Variants in CAP2 observed in about 807,000 individuals in gnomAD.
CAP2 encodes the protein adenylyl cyclase-associated protein 2.
In CAP2, 24 loss-of-function variants were observed where a neutral mutation model predicts 57.7. That is an observed-to-expected ratio of 0.42 (90% CI 0.30 to 0.58). The LOEUF (loss-of-function observed/expected upper bound fraction) is 0.58, where lower values mean the gene tolerates loss of function less well. Among genes scored for constraint, CAP2 ranks in the 20% least tolerant of loss-of-function variants. The pLI is 0.22. For synonymous variants in CAP2, 194 were observed against 207.2 expected, an observed-to-expected ratio of 0.94 and a Z score of 0.55; for missense variants, 501 against 590.3, an observed-to-expected ratio of 0.85 and a Z score of 1.57.
At chr6:17,421,497 G>T in intron 1 of CAP2, 58 bp from the exon 2 acceptor site, 1 of 1,594,038 alleles carries the variant, frequency 6.3e-7, no homozygotes, top group Non-Finnish European at 8.6e-7. Flanking sequence ...TGATGGTGTT[G>T]GTTTACTCAT....
intron 6 of CAP2, among the ~76,000 whole-genome samples, chr6:17,512,323 G>C (rs1328072174): frequency 6.6e-6 from 1 of 151,966 alleles, no homozygotes. Context: ...TTGAGCCCAG[G>C]AGGTTGAGGC....
intron 6 of CAP2, among the ~76,000 whole-genome samples, chr6:17,511,746 G>A (rs1336137226): frequency 4.6e-5 from 7 of 152,056 alleles, no homozygotes; most frequent in African/African-American, 1.7e-4. Context: ...AAGCCACCCC[G>A]CCCGGCCTGG....
intron 12 of CAP2, among the ~76,000 whole-genome samples, chr6:17,554,567 C>T (rs1763249766): frequency 6.6e-6 from 1 of 152,226 alleles, no homozygotes; most frequent in Admixed American, 6.5e-5. Flanking sequence ...CCAGGCCTTT[C>T]CTTTTGAATG....
rs1197104013 is a variant in CAP2, at chr6:17,406,412, T to TTTTTTTTTTC, written c.-2+12667_-2+12668insTTTTTTTTCT. Reference sequence around the variant, plus strand: ...AGCCCAGATTTCTTTTTTTTTTTTTTTGAGGCAGTCTCACTCTGTCGCCCA... The same window carrying TTTTTTTTTTC: ...AGCCCAGATTTCTTTTTTTTTTTTTTTTTTTTTTTCTGAGGCAGTCTCACTCTGTCGCCCA... On this transcript the variant is annotated intron_variant, in intron 1 of 12. Transcript: ENST00000229922. Among the ~76,000 whole-genome samples the TTTTTTTTTTC allele has an allele frequency of 8.9e-5, 12 of 135,260 alleles. 1 individual carries two copies. The highest frequency in any genetic ancestry group is 3.3e-4 in the African/African-American group (9 of 27,014). 88.7% of individuals were successfully genotyped at this position (135,260 alleles called of 152,430 possible).
At chr6:17,519,978 T>C (rs1762353793) in intron 7 of CAP2, among the ~76,000 whole-genome samples, 1 of 152,220 alleles carries the variant, frequency 6.6e-6, no homozygotes, top group Non-Finnish European at 1.5e-5. Flanking sequence ...TATTTCTGAA[T>C]TACTTTAGCT....
intron 3 of CAP2, among the ~76,000 whole-genome samples, chr6:17,451,241 AAAT>A (rs1381470737): frequency 0.025 from 3,840 of 151,610 alleles, 148 homozygotes; most frequent in African/African-American, 0.084. Flanking sequence ...CAAAAAAAAA[AAAT>A]AATAATAATA....
intron 4 of CAP2, among the ~76,000 whole-genome samples, chr6:17,465,072 T>C (rs1222849827): frequency 6.6e-6 from 1 of 152,228 alleles, no homozygotes; most frequent in Non-Finnish European, 1.5e-5. Context: ...ATGCATTGGG[T>C]CTGTGGCATT....
chr6:17,507,241 C>T lies in CAP2; in HGVS notation c.373C>T (p.Arg125Trp), dbSNP rs143260592. 3.1e-5 allele frequency: 50 copies of T among 1,614,024 alleles called. No homozygotes were observed. The Admixed American group carries it at 3.7e-4, about 12-fold the overall frequency. Residue 125 changes from arginine to tryptophan, a missense_variant, in exon 5 of 13, where the codon CGG becomes TGG. Coordinates refer to ENST00000229922, the MANE Select transcript of CAP2 (RefSeq NM_006366.3). ...AATCCAAACTTTCAGAGAGAGAAAC[C>T]GGGGGAGTAACATGTTTAATCATCT... ...QEIQTFRERN[R>W]GSNMFNHLSA...
intron 11 of CAP2, among the ~76,000 whole-genome samples, chr6:17,547,572 T>G (rs543969768): frequency 3.3e-5 from 5 of 152,292 alleles, no homozygotes; most frequent in East Asian, 1.9e-4. Context: ...CCGGGCACGG[T>G]GGCTCACGCC....
chr6:17,426,705 C>A lies in CAP2; in HGVS notation c.222+15C>A, dbSNP rs1431795177. 12 of 1,560,390 alleles carry A rather than the reference C, an allele frequency of 7.7e-6. No homozygotes were observed. Among genetic ancestry groups the A allele is most frequent in the Admixed American group, 3.3e-5 (2 of 59,948 alleles). On this transcript the variant is annotated intron_variant, in intron 3 of 12. Transcript: ENST00000229922. ...TGGAGACCCATGTAAGTACTTTCCT[C>A]CCCTGTTCTCAGTAGAGAGTTTAAA... is the stretch of plus-strand genomic sequence containing the variant.
At chr6:17,473,263 G>A (rs1761068516) in intron 4 of CAP2, among the ~76,000 whole-genome samples, 1 of 152,148 alleles carries the variant, frequency 6.6e-6, no homozygotes, top group Non-Finnish European at 1.5e-5. Context: ...GATGGCAAAT[G>A]CTACATAAAT....
intron 3 of CAP2, among the ~76,000 whole-genome samples, chr6:17,454,202 G>A (rs138463452): frequency 2.2e-4 from 34 of 152,024 alleles, no homozygotes; most frequent in Non-Finnish European, 4.0e-4. Context: ...GAGCCACTGC[G>A]TCCGGCTCAG....
chr6:17,506,275 T>C (rs1391559899), intron 4 of CAP2, among the ~76,000 whole-genome samples: 1 of 152,204 alleles, frequency 6.6e-6, no homozygotes, highest in Non-Finnish European at 1.5e-5. Context: ...GAGTGTGACC[T>C]GTAGCCATAG....
In CAP2 at chr6:17,442,582, C is replaced by T. The variant is rs557513251; in HGVS notation, c.222+15892C>T. Reference sequence around the variant, plus strand: ...GCATGGCATGTATCTACAGCTCAGTCCATGCCAGAAGTTCCTGAGAGCTGG... The same window carrying T: ...GCATGGCATGTATCTACAGCTCAGTTCATGCCAGAAGTTCCTGAGAGCTGG... On this transcript the variant is annotated intron_variant, in intron 3 of 12. Transcript: ENST00000229922. Among the ~76,000 whole-genome samples the T allele has an allele frequency of 3.3e-5, 5 of 152,226 alleles. No homozygotes were observed. The South Asian group carries it at 1.0e-3, about 32-fold the overall frequency.
In CAP2 at chr6:17,455,931, A is replaced by G. The variant is rs141567948; in HGVS notation, c.223-7065A>G. Among the ~76,000 whole-genome samples, 267 of 152,340 alleles carry G rather than the reference A, an allele frequency of 1.8e-3. 2 individuals carry two copies. The highest frequency in any genetic ancestry group is 6.2e-3 in the African/African-American group (259 of 41,584). ...GTTGAATTCTTTCTTATGAGGAAGC[A>G]AGAACTGTGTGGTTGCTGCTGACTT... On this transcript the variant is annotated intron_variant, in intron 3 of 12. Coordinates refer to ENST00000229922, the MANE Select transcript of CAP2 (RefSeq NM_006366.3).
At chr6:17,416,479 G>A (rs185399769) in intron 1 of CAP2, among the ~76,000 whole-genome samples, 8 of 152,126 alleles carry the variant, frequency 5.3e-5, no homozygotes, top group Non-Finnish European at 1.2e-4. Flanking sequence ...ACTGGATATC[G>A]ATCACAGAAA....
At chr6:17,518,853 G>A (rs1457832650) in intron 7 of CAP2, among the ~76,000 whole-genome samples, 2 of 151,952 alleles carry the variant, frequency 1.3e-5, no homozygotes, top group Non-Finnish European at 2.9e-5. Flanking sequence ...GCCCAGGGTG[G>A]TCTAGAACGC....
At chr6:17,552,755 C>A (rs1763200506) in intron 12 of CAP2, among the ~76,000 whole-genome samples, 1 of 152,118 alleles carries the variant, frequency 6.6e-6, no homozygotes, top group Admixed American at 6.5e-5. Context: ...AAGAGGAGCT[C>A]CCTCAGCCTA....
chr6:17,475,789 T>C (rs1478850143), intron 4 of CAP2, among the ~76,000 whole-genome samples: 2 of 152,262 alleles, frequency 1.3e-5, no homozygotes, highest in African/African-American at 2.4e-5. Flanking sequence ...CTTCAGGCAA[T>C]GAAATTGTTG....
Sources: allele counts gnomAD v4.1 joint callset (sites outside exome capture counted in the v4.1 genomes callset), GRCh38; gene constraint gnomAD v4.1.1; transcripts MANE v1.5; gene names NCBI Gene and HGNC (gene_info 2026-07-23, HGNC 2026-07-21).